The following DPP10 variants were observed in gnomAD, a reference collection of about 807,000 sequenced individuals.
The protein encoded by DPP10 is inactive dipeptidyl peptidase 10.
In DPP10, 33 loss-of-function variants were observed where a neutral mutation model predicts 120.9. The ratio of observed to expected loss-of-function variants is 0.27; its 90% confidence interval spans 0.21 to 0.37. DPP10 has a LOEUF of 0.37. Ranked by LOEUF, DPP10 falls within the 10% of genes least tolerant of loss-of-function variation. DPP10 has a pLI of 1.00. For missense variants in DPP10, 816 were observed against 942.8 expected (o/e 0.87, Z 1.76); for synonymous variants, 337 against 326.1 (o/e 1.03, Z -0.36).
intron 5 of DPP10, among the ~76,000 whole-genome samples, chr2:115,536,166 G>A (rs2078822447): frequency 6.6e-6 from 1 of 151,856 alleles, no homozygotes; most frequent in Non-Finnish European, 1.5e-5. Context: ...CCGTTTTTTA[G>A]AGAAAACCAC....
At chr2:115,270,077 C>CAG (rs2059626288) in intron 1 of DPP10, among the ~76,000 whole-genome samples, 2 of 128,712 alleles carry the variant, frequency 1.6e-5, no homozygotes, top group Admixed American at 8.0e-5. Flanking sequence ...CACACACACA[C>CAG]ACACACACAC....
At chr2:115,134,045 A>T (rs1331031289) in intron 1 of DPP10, among the ~76,000 whole-genome samples, 1 of 152,212 alleles carries the variant, frequency 6.6e-6, no homozygotes. Context: ...ATCTAATAAA[A>T]TGAGGATGTT....
intron 1 of DPP10, among the ~76,000 whole-genome samples, chr2:114,899,963 A>C (rs938740629): frequency 3.9e-5 from 6 of 152,272 alleles, no homozygotes; most frequent in Non-Finnish European, 8.8e-5. Flanking sequence ...CCGTCTCAAA[A>C]AAACAAACAA....
At chr2:114,760,823 A>G (rs1680217420) in intron 1 of DPP10, among the ~76,000 whole-genome samples, 1 of 152,198 alleles carries the variant, frequency 6.6e-6, no homozygotes, top group Non-Finnish European at 1.5e-5. Context: ...TAAAGATTGA[A>G]TATTGTTTCT....
intron 2 of DPP10, among the ~76,000 whole-genome samples, chr2:115,310,244 AT>A (rs1301651716): frequency 6.6e-6 from 1 of 152,158 alleles, no homozygotes; most frequent in Non-Finnish European, 1.5e-5. Context: ...GTTGAATGCT[AT>A]TTATTTCCAC....
intron 1 of DPP10, among the ~76,000 whole-genome samples, chr2:115,211,839 G>A (rs1257740933): frequency 6.6e-6 from 1 of 152,076 alleles, no homozygotes; most frequent in Non-Finnish European, 1.5e-5. Flanking sequence ...GTGTGTGTCA[G>A]CCAATACTTT....
intron 5 of DPP10, among the ~76,000 whole-genome samples, chr2:115,680,294 TTTA>T (rs1267274634): frequency 6.6e-6 from 1 of 152,010 alleles, no homozygotes; most frequent in African/African-American, 2.4e-5. Flanking sequence ...GTAGTCAATA[TTTA>T]GAGTGTGTAT....
At chr2:115,302,785 A>G (rs2105985322) in intron 1 of DPP10, among the ~76,000 whole-genome samples, 1 of 152,182 alleles carries the variant, frequency 6.6e-6, no homozygotes, top group South Asian at 2.1e-4. Flanking sequence ...ACCTATAAAG[A>G]GTATAATTTT....
rs944644425 is a variant in DPP10, at chr2:115,146,876, G to A, written c.61-162363G>A. On this transcript the variant is annotated intron_variant, in intron 1 of 25. Transcript: ENST00000410059. ...CCTATAAACTAGAAAGTGGACCCTC[G>A]CCAGACTCCAAATGTGCCAGAGACT... 5.9e-5 allele frequency among the ~76,000 whole-genome samples: 9 copies of A among 152,178 alleles called. No homozygotes were observed. In the East Asian group the frequency reaches 1.4e-3, roughly 23 times the overall value.
chr2:115,236,167 A>G (rs1472538375), intron 1 of DPP10, among the ~76,000 whole-genome samples: 1 of 152,218 alleles, frequency 6.6e-6, no homozygotes, highest in African/African-American at 2.4e-5. Flanking sequence ...AGTATGCTAT[A>G]CATTGTCACT....
chr2:115,067,097 T>A (rs1290119747), intron 1 of DPP10, among the ~76,000 whole-genome samples: 3 of 152,232 alleles, frequency 2.0e-5, no homozygotes, highest in Non-Finnish European at 4.4e-5. Context: ...ATCATCATTT[T>A]TCTCTCTGTT....
At chr2:115,177,756 TTTTGTTTTTG>T (rs2053793078) in intron 1 of DPP10, among the ~76,000 whole-genome samples, 1 of 95,682 alleles carries the variant, frequency 1.0e-5, no homozygotes, top group Non-Finnish European at 2.2e-5. Flanking sequence ...TTTGTTTTGT[TTTTGTTTTTG>T]TTTGTTTGTT....
intron 3 of DPP10, among the ~76,000 whole-genome samples, chr2:115,409,317 G>A (rs2068761373): frequency 6.6e-6 from 1 of 152,090 alleles, no homozygotes; most frequent in African/African-American, 2.4e-5. Flanking sequence ...TGAATTATTA[G>A]GAGACAAATG....
At chr2:114,494,056 C>A (rs1265350321) in intron 1 of DPP10, among the ~76,000 whole-genome samples, 1 of 111,312 alleles carries the variant, frequency 9.0e-6, no homozygotes, top group Non-Finnish European at 1.7e-5. Flanking sequence ...AAGTATGCTG[C>A]AAGAATTTAG....
At chr2:115,255,498 T>C (rs984972614) in intron 1 of DPP10, among the ~76,000 whole-genome samples, 6 of 152,228 alleles carry the variant, frequency 3.9e-5, no homozygotes, top group Admixed American at 1.3e-4. Flanking sequence ...TTGTTACTTA[T>C]GCAAATTTCT....
intron 2 of DPP10, among the ~76,000 whole-genome samples, chr2:115,326,440 G>A (rs2062370241): frequency 6.6e-6 from 1 of 152,004 alleles, no homozygotes; most frequent in Non-Finnish European, 1.5e-5. Context: ...TACATTACTG[G>A]ATTATGTATT....
chr2:115,316,524 G>A (rs1445073376), intron 2 of DPP10, among the ~76,000 whole-genome samples: 1 of 152,132 alleles, frequency 6.6e-6, no homozygotes, highest in Non-Finnish European at 1.5e-5. Flanking sequence ...GGGCAGAAAG[G>A]GAGGCAGTGA....
intron 12 of DPP10, among the ~76,000 whole-genome samples, chr2:115,766,196 AG>A (rs1680688493): frequency 6.6e-6 from 1 of 151,346 alleles, no homozygotes; most frequent in Non-Finnish European, 1.5e-5. Flanking sequence ...AAAGTAATTG[AG>A]GTTTTTGCCA....
intron 2 of DPP10, among the ~76,000 whole-genome samples, chr2:115,335,652 A>C (rs1264223724): frequency 2.6e-5 from 4 of 152,118 alleles, no homozygotes; most frequent in African/African-American, 9.7e-5. Flanking sequence ...ATTTTGAAAA[A>C]TCTAGAATTT....
Sources: gnomAD v4.1 joint callset for allele counts (sites outside exome capture counted in the v4.1 genomes callset) on GRCh38, gnomAD v4.1.1 for gene constraint, MANE v1.5 for transcripts, NCBI Gene and HGNC (gene_info 2026-07-23, HGNC 2026-07-21) for gene names.